CFAP69: variants seen among roughly 807,000 people sequenced by gnomAD.
The protein encoded by CFAP69 is cilia- and flagella-associated protein 69.
In CFAP69, 92 loss-of-function variants were observed where a neutral mutation model predicts 123.0. The ratio of observed to expected loss-of-function variants is 0.75; its 90% CI spans 0.63 to 0.89. The LOEUF (loss-of-function observed/expected upper bound fraction) is 0.89, where lower values mean the gene tolerates loss of function less well. Among genes scored for constraint, CFAP69 ranks in the 40% least tolerant of loss-of-function variants. The pLI, the probability that CFAP69 is intolerant of heterozygous loss-of-function variation, is 0.00. For synonymous variants in CFAP69, 380 were observed against 364.3 expected, an observed-to-expected ratio of 1.04 and a Z score of -0.49; for missense variants, 1,067 against 1,096.9, an observed-to-expected ratio of 0.97 and a Z score of 0.39.
chr7:90,286,003 C>T (rs1345316041), intron 13 of CFAP69, among the ~76,000 whole-genome samples: 1 of 152,088 alleles, frequency 6.6e-6, no homozygotes, highest in Non-Finnish European at 1.5e-5. Context: ...ATATCCTCTT[C>T]TAAAATAGTT....
At chr7:90,298,372 A>G (rs1273653372) in intron 16 of CFAP69, among the ~76,000 whole-genome samples, 1 of 152,222 alleles carries the variant, frequency 6.6e-6, no homozygotes, top group Non-Finnish European at 1.5e-5. Context: ...GCTGTGAAGA[A>G]TATAGCCCCT....
intron 5 of CFAP69, among the ~76,000 whole-genome samples, chr7:90,267,324 C>T (rs1357056944): frequency 6.6e-6 from 1 of 152,208 alleles, no homozygotes; most frequent in East Asian, 1.9e-4. Context: ...CTTGCAAGGG[C>T]TAATGCAAAA....
chr7:90,305,526 G>A (rs915708802), intron 19 of CFAP69, among the ~76,000 whole-genome samples: 12 of 151,312 alleles, frequency 7.9e-5, no homozygotes, highest in African/African-American at 2.9e-4. Context: ...CCAAGTAGCT[G>A]GGATGACAGG....
At chr7:90,263,098 A>C in intron 4 of CFAP69, among the ~76,000 whole-genome samples, 1 of 152,158 alleles carries the variant, frequency 6.6e-6, no homozygotes, top group Non-Finnish European at 1.5e-5. Flanking sequence ...CTAGAATGCC[A>C]AGTTTATAAG....
chr7:90,319,691 T>C, the CFAP69 span: 1 of 398,482 alleles, frequency 2.5e-6, no homozygotes, highest in Non-Finnish European at 4.4e-6. Context: ...TTAACCAGAT[T>C]GATCAGCATC....
At position 90,245,299 on chromosome 7, in the gene CFAP69, T is replaced by G; in HGVS notation, c.-126T>G. On this transcript the variant is annotated 5_prime_UTR_variant, in exon 1 of 23. Coordinates refer to ENST00000389297, the MANE Select transcript of CFAP69 (RefSeq NM_001039706.3). ...GGCCCCTGGCGGAATTTTGGGACCT[T>G]TCGCGACTCTAGCGACTCTCAGGCT... 1 of 1,331,902 alleles carries G rather than the reference T, an allele frequency of 7.5e-7. No individual in the cohort carries two copies. The highest frequency in any genetic ancestry group is 3.9e-5 in the Admixed American group (1 of 25,804). The allele number at this position is 1,331,902 out of a possible 1,614,324, so 82.5% of individuals were successfully genotyped here.
At chr7:90,295,713 A>G (rs1791843577) in intron 15 of CFAP69, among the ~76,000 whole-genome samples, 1 of 152,240 alleles carries the variant, frequency 6.6e-6, no homozygotes, top group African/African-American at 2.4e-5. Flanking sequence ...GCAATTTATT[A>G]GGAAAGTAAA....
intron 1 of CFAP69, 92 bp downstream of exon 1, chr7:90,245,636 T>G: frequency 7.2e-7 from 1 of 1,390,052 alleles, no homozygotes. Flanking sequence ...AGGGTGGAAC[T>G]GGGGACAGGA....
At chr7:90,319,064 C>A in the CFAP69 span, 3 of 235,474 alleles carry the variant, frequency 1.3e-5, no homozygotes, top group Non-Finnish European at 2.4e-5. Context: ...TGAATAATTA[C>A]AGGGTTAAAT....
At chr7:90,248,900 A>G (rs1796633475) in intron 1 of CFAP69, among the ~76,000 whole-genome samples, 1 of 152,196 alleles carries the variant, frequency 6.6e-6, no homozygotes, top group African/African-American at 2.4e-5. Context: ...AGAAATGCCT[A>G]CCTCATCGAA....
the CFAP69 span, chr7:90,322,126 A>G: frequency 3.2e-4 from 49 of 152,348 alleles, no homozygotes; most frequent in African/African-American, 1.1e-3. Context: ...AGCACCCACC[A>G]TTATTCAAAG....
Position 90,310,241 on chromosome 7 carries a change from T to C in CFAP69, c.*3T>C, listed in dbSNP as rs778482342. ...CAAAAAAGAGTATTCCTACGTAATA[T>C]ACTATAGAGACTTTTTGAAATAAAG... On this transcript the variant is annotated 3_prime_UTR_variant, in exon 23 of 23. Coordinates refer to ENST00000389297, the MANE Select transcript of CFAP69 (RefSeq NM_001039706.3). 1.0e-5 allele frequency: 16 copies of C among 1,601,848 alleles called. No homozygotes were observed. In the African/African-American group the frequency reaches 2.1e-4, roughly 21 times the overall value.
the CFAP69 span, chr7:90,317,520 T>TTTTTTTTTTTTTTTTG: frequency 1.3e-5 from 2 of 152,030 alleles, no homozygotes; most frequent in African/African-American, 4.8e-5. Context: ...AATCTTATAT[T>TTTTTTTTTTTTTTTTG]ATCTGCTACT....
intron 4 of CFAP69, among the ~76,000 whole-genome samples, chr7:90,264,717 T>C (rs773987287): frequency 7.9e-5 from 12 of 152,140 alleles, no homozygotes; most frequent in Non-Finnish European, 1.0e-4. Flanking sequence ...TCTTAACCTA[T>C]GCCTTTTACA....
the CFAP69 span, chr7:90,322,516 G>A: frequency 1.6e-4 from 24 of 152,132 alleles, no homozygotes; most frequent in African/African-American, 5.6e-4. Context: ...CACCCCCAAA[G>A]GAAGCAACCC....
chr7:90,246,481 G>A (rs1387705772), intron 1 of CFAP69, among the ~76,000 whole-genome samples: 1 of 152,230 alleles, frequency 6.6e-6, no homozygotes, highest in African/African-American at 2.4e-5. Flanking sequence ...AGTTCCTTGG[G>A]AGTGGTCAGT....
At chr7:90,315,375 T>A (rs893545153), downstream of CFAP69, among the ~76,000 whole-genome samples, 1 of 152,150 alleles carries the variant, frequency 6.6e-6, no homozygotes, top group African/African-American at 2.4e-5. Flanking sequence ...CATGACAGAC[T>A]GGATAAAGAA....
In CFAP69 at chr7:90,310,262, T is replaced by C. The variant is rs1250615182; in HGVS notation, c.*24T>C. ...AATATACTATAGAGACTTTTTGAAA[T>C]AAAGTCAGCTTATAATTTTTTAGCT... On this transcript the variant is annotated 3_prime_UTR_variant, in exon 23 of 23. Coordinates refer to ENST00000389297, the MANE Select transcript of CFAP69 (RefSeq NM_001039706.3). The C allele has an allele frequency of 1.3e-6, 2 of 1,545,476 alleles. No individual in the cohort carries two copies. Among genetic ancestry groups the C allele is most frequent in the East Asian group, 2.3e-5 (1 of 43,732 alleles).
intron 9 of CFAP69, among the ~76,000 whole-genome samples, chr7:90,274,529 T>C (rs17869232): frequency 3.1e-4 from 47 of 152,340 alleles, no homozygotes; most frequent in African/African-American, 1.1e-3. Flanking sequence ...GCTCATTGAA[T>C]ATAGAACTCT....
Sources: gnomAD v4.1 joint callset for allele counts (sites outside exome capture counted in the v4.1 genomes callset) on GRCh38, gnomAD v4.1.1 for gene constraint, MANE v1.5 for transcripts, NCBI Gene and HGNC (gene_info 2026-07-23, HGNC 2026-07-21) for gene names.